The following ENOX2 variants were observed in gnomAD, a reference collection of about 807,000 sequenced individuals.
ENOX2 encodes ecto-NOX disulfide-thiol exchanger 2.
ENOX2 carries 36 observed loss-of-function variants against 45.0 expected under a neutral mutation model. The ratio of observed to expected loss-of-function variants is 0.80; its 90% confidence interval spans 0.61 to 1.06. The LOEUF (loss-of-function observed/expected upper bound fraction) is 1.06. Among genes scored for constraint, ENOX2 ranks in the 50% least tolerant of loss-of-function variants. ENOX2 has a pLI of 0.00. For missense variants in ENOX2, 423 were observed against 462.5 expected (o/e 0.91, Z 0.78); for synonymous variants, 174 against 152.3 (o/e 1.14, Z -1.05).
At chrX:130,873,142 A>G (rs1397277955) in intron 2 of ENOX2, among the ~76,000 whole-genome samples, 1 of 111,776 alleles carries the variant, frequency 8.9e-6, no homozygotes, top group Non-Finnish European at 1.9e-5. Flanking sequence ...TTTGCAATCT[A>G]TCCATCTGAC....
chrX:130,753,916 A>T (rs183973389), intron 3 of ENOX2, among the ~76,000 whole-genome samples: 1 of 111,354 alleles, frequency 9.0e-6, no homozygotes, highest in Non-Finnish European at 1.9e-5. Context: ...GGTGGGGAGC[A>T]TGGGGAGAGG....
At chrX:130,709,276 TA>T in intron 3 of ENOX2, 1 of 1,207,635 alleles carries the variant, frequency 8.3e-7, no homozygotes, top group Non-Finnish European at 1.1e-6. Context: ...CACAGCCATC[TA>T]AAATCTCTTT....
intron 10 of ENOX2, among the ~76,000 whole-genome samples, chrX:130,653,495 G>A (rs1436815091): frequency 1.8e-5 from 2 of 110,135 alleles, no homozygotes; most frequent in Non-Finnish European, 3.8e-5. Flanking sequence ...TTTGAGCCCC[G>A]ACCCTTTTAC....
intron 2 of ENOX2, among the ~76,000 whole-genome samples, chrX:130,844,531 T>C (rs1426820093): frequency 1.8e-5 from 2 of 112,401 alleles, no homozygotes; most frequent in African/African-American, 3.2e-5. Context: ...ATGTTCATGA[T>C]GTTAAATCGT....
At chrX:130,824,845 T>C (rs2077686555) in intron 2 of ENOX2, among the ~76,000 whole-genome samples, 1 of 111,559 alleles carries the variant, frequency 9.0e-6, no homozygotes, top group African/African-American at 3.2e-5. Flanking sequence ...TTCATACCTA[T>C]GAAATTGATG....
chrX:130,696,948 AC>A (rs752312792), intron 4 of ENOX2, among the ~76,000 whole-genome samples: 1 of 111,451 alleles, frequency 9.0e-6, no homozygotes, highest in South Asian at 3.8e-4. Flanking sequence ...ATTTTAATTA[AC>A]TTCCCTACCT....
At chrX:130,823,549 G>A (rs775965278) in intron 2 of ENOX2, among the ~76,000 whole-genome samples, 6 of 111,998 alleles carry the variant, frequency 5.4e-5, no homozygotes, top group African/African-American at 9.7e-5. Context: ...TAAGTCAGAT[G>A]CTGCTGATGT....
chrX:130,797,547 A>C (rs181659021), intron 2 of ENOX2, among the ~76,000 whole-genome samples: 1 of 108,984 alleles, frequency 9.2e-6, no homozygotes, highest in Admixed American at 9.8e-5. Flanking sequence ...GATTTGGATT[A>C]GTAAATTTAC....
At chrX:130,766,400 C>G (rs760847004) in intron 3 of ENOX2, among the ~76,000 whole-genome samples, 1 of 111,899 alleles carries the variant, frequency 8.9e-6, no homozygotes, top group Non-Finnish European at 1.9e-5. Flanking sequence ...CAGTTTGTAA[C>G]TTGTCTTTTC....
At position 130,646,221 on chromosome X, in the gene ENOX2, G is replaced by A. The variant is rs1034151724; in HGVS notation, c.1130-8811C>T. On this transcript the variant is annotated intron_variant, in intron 10 of 14. Transcript: ENST00000394363. Reference sequence around the variant, plus strand: ...TCAAAGATCACTTGGAATTGTGCCTGGTCAAATGCAGGACCTCATCCCAGA... The same window carrying A: ...TCAAAGATCACTTGGAATTGTGCCTAGTCAAATGCAGGACCTCATCCCAGA... 1.5e-5 allele frequency: 7 copies of A among 457,876 alleles called. No individual in the cohort carries two copies. The Admixed American group carries it at 1.6e-4, about 10-fold the overall frequency. The allele number at this position is 457,876 out of a possible 1,213,427, so 37.7% of individuals were successfully genotyped here.
chrX:130,677,429 A>T (rs1369549959), intron 6 of ENOX2, among the ~76,000 whole-genome samples: 1 of 112,382 alleles, frequency 8.9e-6, no homozygotes, highest in African/African-American at 3.2e-5. Context: ...CAGAAAAAAG[A>T]TGTTCAATAA....
chrX:130,739,311 C>T (rs1489454602), intron 3 of ENOX2, among the ~76,000 whole-genome samples: 1 of 112,246 alleles, frequency 8.9e-6, no homozygotes, highest in Non-Finnish European at 1.9e-5. Context: ...TACTGTGTTG[C>T]CAGATGATTT....
At chrX:130,715,132 A>G (rs2038292955) in intron 3 of ENOX2, among the ~76,000 whole-genome samples, 1 of 111,566 alleles carries the variant, frequency 9.0e-6, no homozygotes, top group African/African-American at 3.3e-5. Flanking sequence ...GTCATTTTGT[A>G]TTCCCAGTAG....
At chrX:130,899,369 T>A (rs1468408803) in intron 2 of ENOX2, among the ~76,000 whole-genome samples, 1 of 111,979 alleles carries the variant, frequency 8.9e-6, no homozygotes, top group Non-Finnish European at 1.9e-5. Flanking sequence ...GTGACTACCA[T>A]GTGTCAAGTG....
chrX:130,797,493 C>G (rs757887806), intron 2 of ENOX2, among the ~76,000 whole-genome samples: 1 of 110,524 alleles, frequency 9.0e-6, no homozygotes, highest in African/African-American at 3.3e-5. Context: ...GACCCTCCCG[C>G]CCCGCCCTGA....
Position 130,679,672 on chromosome X carries a change from C to T in ENOX2, c.330G>A (p.Gly110=), listed in dbSNP as rs201364656. The T allele has an allele frequency of 4.3e-5, 52 of 1,209,293 alleles. No homozygotes were observed. Among genetic ancestry groups the T allele is most frequent in the Middle Eastern group, 2.3e-4 (1 of 4,350 alleles). The change falls in exon 6 of 15, where the codon GGG becomes GGA. Residue 110 remains glycine (G), a synonymous_variant. Coordinates refer to ENST00000394363, the MANE Select transcript of ENOX2 (RefSeq NM_006375.4). ...AAACTTCCACAATGATTTGCTCTGTCCCATTTTCAGGCAGACCACCCACAA... is the reference window on the plus strand; with the variant it reads ...AAACTTCCACAATGATTTGCTCTGTTCCATTTTCAGGCAGACCACCCACAA... ...TVFVGGLPEN[G]TEQIIVEVFE... is the part of the protein sequence containing the mutation.
intron 3 of ENOX2, among the ~76,000 whole-genome samples, chrX:130,777,392 G>T (rs1359094152): frequency 9.2e-6 from 1 of 108,382 alleles, no homozygotes; most frequent in Non-Finnish European, 1.9e-5. Flanking sequence ...CCAGCTACTC[G>T]GGGGGAGCTG....
intron 3 of ENOX2, among the ~76,000 whole-genome samples, chrX:130,705,898 T>C (rs2038025005): frequency 9.0e-6 from 1 of 111,580 alleles, no homozygotes; most frequent in African/African-American, 3.3e-5. Flanking sequence ...CCCGTTTCCC[T>C]TTTTTACCCC....
In ENOX2 at chrX:130,730,661, A is replaced by G. The variant is rs767377091; in HGVS notation, c.-38-27407T>C. 2.4e-4 allele frequency among the ~76,000 whole-genome samples: 27 copies of G among 110,375 alleles called. 1 individual carries two copies. In the South Asian group the frequency reaches 0.011, roughly 44 times the overall value. On this transcript the variant is annotated intron_variant, in intron 3 of 14. Coordinates refer to ENST00000394363, the MANE Select transcript of ENOX2 (RefSeq NM_006375.4). ...TGGTCAGGGAACAGCTTGCTTTTAT[A>G]CATTTTAGGGAGACATAATACATCA...
Sources: gnomAD v4.1 joint callset for allele counts (sites outside exome capture counted in the v4.1 genomes callset) on GRCh38, gnomAD v4.1.1 for gene constraint, MANE v1.5 for transcripts, NCBI Gene and HGNC (gene_info 2026-07-23, HGNC 2026-07-21) for gene names.